Variants in MYO1D observed in about 807,000 individuals in gnomAD.
The protein encoded by MYO1D is unconventional myosin-Id.
A neutral mutation model predicts 122.0 loss-of-function variants in MYO1D; 83 were observed. The observed-to-expected ratio is 0.68, with a 90% CI of 0.57 to 0.82. The LOEUF is 0.82. MYO1D is among the 40% of genes least tolerant of loss of function. The probability of loss-of-function intolerance (pLI) is 0.00; values close to 1 mark genes in which losing one functional copy is unlikely to be tolerated. For missense variants in MYO1D, 1,157 were observed against 1,269.5 expected, an observed-to-expected ratio of 0.91 and a Z score of 1.35; for synonymous variants, 464 against 446.9, an observed-to-expected ratio of 1.04 and a Z score of -0.48.
chr17:32,521,589 T>C (rs1309538654), intron 21 of MYO1D, among the ~76,000 whole-genome samples: 1 of 152,200 alleles, frequency 6.6e-6, no homozygotes, highest in Admixed American at 6.5e-5. Flanking sequence ...AACATTAATT[T>C]GCTGAGATGT....
chr17:32,533,500 C>G (rs1910572721), intron 21 of MYO1D, among the ~76,000 whole-genome samples: 1 of 152,200 alleles, frequency 6.6e-6, no homozygotes, highest in Non-Finnish European at 1.5e-5. Context: ...CTGCCACCCA[C>G]TCTTCAAGCT....
Position 32,750,979 on chromosome 17 carries a change from G to T in MYO1D, c.1468-1973C>A, listed in dbSNP as rs368469132. On this transcript the variant is annotated intron_variant, in intron 11 of 21. Coordinates refer to ENST00000318217, the MANE Select transcript of MYO1D (RefSeq NM_015194.3). The stretch of plus-strand genomic sequence containing the variant: ...TATTTATAAAACCCCTTAAGGAAAA[G>T]GACCCAAGAGATGTCTACACTAATG... Among the ~76,000 whole-genome samples the T allele has an allele frequency of 2.2e-4, 33 of 152,158 alleles. 1 individual carries two copies. The South Asian group carries it at 6.4e-3, about 30-fold the overall frequency.
At chr17:32,669,599 A>C (rs780758674) in intron 16 of MYO1D, among the ~76,000 whole-genome samples, 4 of 152,182 alleles carry the variant, frequency 2.6e-5, no homozygotes, top group Non-Finnish European at 5.9e-5. Flanking sequence ...TTGTGAGTTA[A>C]ATTTGCAGGC....
chr17:32,519,273 TG>T (rs1341616125), intron 21 of MYO1D: 1 of 152,166 alleles, frequency 6.6e-6, no homozygotes, highest in African/African-American at 2.4e-5. Context: ...TGCCAGGCAC[TG>T]GGCAGGCCGG....
At chr17:32,501,194 T>TGTGATGATG (rs1258475573) in intron 21 of MYO1D, among the ~76,000 whole-genome samples, 3 of 152,126 alleles carry the variant, frequency 2.0e-5, no homozygotes, top group Non-Finnish European at 2.9e-5. Context: ...AGCCTTGTGA[T>TGTGATGATG]GTGATGATGG....
intron 1 of MYO1D, among the ~76,000 whole-genome samples, chr17:32,797,160 G>A (rs921204674): frequency 6.6e-6 from 1 of 152,128 alleles, no homozygotes; most frequent in African/African-American, 2.4e-5. Flanking sequence ...TAGTAGAGAT[G>A]GGGTTTCACC....
intron 16 of MYO1D, among the ~76,000 whole-genome samples, chr17:32,684,461 T>C (rs568159492): frequency 3.1e-4 from 47 of 152,278 alleles, no homozygotes; most frequent in African/African-American, 1.0e-3. Flanking sequence ...TTCCAAAGAG[T>C]ACCTAGCAAT....
At chr17:32,706,702 A>AT (rs1212009720) in intron 16 of MYO1D, among the ~76,000 whole-genome samples, 8 of 151,178 alleles carry the variant, frequency 5.3e-5, no homozygotes, top group East Asian at 3.9e-4. Flanking sequence ...AGATCTATAC[A>AT]TTTTTTTTTG....
intron 1 of MYO1D, among the ~76,000 whole-genome samples, chr17:32,837,706 G>A (rs1408621120): frequency 3.3e-5 from 5 of 152,024 alleles, no homozygotes. Flanking sequence ...TGATACTGGT[G>A]CCCAATAATG....
intron 14 of MYO1D, among the ~76,000 whole-genome samples, chr17:32,721,964 G>A (rs2089517383): frequency 6.6e-6 from 1 of 152,266 alleles, no homozygotes; most frequent in South Asian, 2.1e-4. Flanking sequence ...TTTCTTCTCT[G>A]AATCTGTTAT....
chr17:32,500,581 G>A (rs1402241946), intron 21 of MYO1D, among the ~76,000 whole-genome samples: 3 of 152,146 alleles, frequency 2.0e-5, no homozygotes, highest in Non-Finnish European at 4.4e-5. Flanking sequence ...GGGGTTGAGT[G>A]ACTACGTGTG....
chr17:32,860,317 T>G (rs998554161), intron 1 of MYO1D, among the ~76,000 whole-genome samples: 1 of 152,134 alleles, frequency 6.6e-6, no homozygotes, highest in Non-Finnish European at 1.5e-5. Context: ...TTTGGTCTGG[T>G]TTTCTTTTTA....
At chr17:32,766,570 C>A (rs752429562) in intron 7 of MYO1D, among the ~76,000 whole-genome samples, 1 of 152,076 alleles carries the variant, frequency 6.6e-6, no homozygotes, top group Non-Finnish European at 1.5e-5. Flanking sequence ...CTGAGATGGG[C>A]AGATCACGAG....
intron 1 of MYO1D, among the ~76,000 whole-genome samples, chr17:32,861,314 C>T (rs1447899518): frequency 6.6e-6 from 1 of 152,044 alleles, no homozygotes; most frequent in Non-Finnish European, 1.5e-5. Flanking sequence ...GATCCACCCG[C>T]CTCAGCCTCC....
chr17:32,644,513 G>A (rs949359919), intron 19 of MYO1D, among the ~76,000 whole-genome samples: 1 of 152,144 alleles, frequency 6.6e-6, no homozygotes, highest in African/African-American at 2.4e-5. Flanking sequence ...TGACAGTGGG[G>A]TGTTAAAGTC....
chr17:32,644,076 C>T (rs935300086), intron 19 of MYO1D, among the ~76,000 whole-genome samples: 1 of 152,084 alleles, frequency 6.6e-6, no homozygotes, highest in Non-Finnish European at 1.5e-5. Flanking sequence ...TCCCTCTACA[C>T]ACTGCTTTGA....
At chr17:32,872,046 C>T (rs753925939) in intron 1 of MYO1D, among the ~76,000 whole-genome samples, 9 of 152,158 alleles carry the variant, frequency 5.9e-5, no homozygotes, top group Non-Finnish European at 1.3e-4. Context: ...AGGACTCATA[C>T]AGAGGTCTTA....
At chr17:32,507,102 G>T (rs1477239317) in intron 21 of MYO1D, among the ~76,000 whole-genome samples, 2 of 152,186 alleles carry the variant, frequency 1.3e-5, no homozygotes, top group Non-Finnish European at 2.9e-5. Context: ...CACAATCATA[G>T]TAAAAGTAAA....
intron 21 of MYO1D, among the ~76,000 whole-genome samples, chr17:32,586,210 T>C (rs1290625004): frequency 6.6e-6 from 1 of 152,232 alleles, no homozygotes; most frequent in African/African-American, 2.4e-5. Context: ...TTCTAAGCTC[T>C]AGAAAATACT....
Sources: gnomAD v4.1 joint callset for allele counts (sites outside exome capture counted in the v4.1 genomes callset) on GRCh38, gnomAD v4.1.1 for gene constraint, MANE v1.5 for transcripts, NCBI Gene and HGNC (gene_info 2026-07-23, HGNC 2026-07-21) for gene names.